Variants in PTPRC observed in about 807,000 individuals in gnomAD.
The protein encoded by PTPRC is receptor-type tyrosine-protein phosphatase C.
PTPRC carries 44 observed loss-of-function variants against 155.9 expected under a neutral mutation model. That is an observed-to-expected ratio of 0.28 (90% confidence interval 0.22 to 0.36). The LOEUF (loss-of-function observed/expected upper bound fraction) is 0.36, where lower values mean the gene tolerates loss of function less well. Ranked by LOEUF, PTPRC falls within the 10% of genes least tolerant of loss-of-function variation. The probability of loss-of-function intolerance (pLI) is 1.00; values close to 1 mark genes in which losing one functional copy is unlikely to be tolerated. For missense variants in PTPRC, 1,401 were observed against 1,564.6 expected (o/e 0.90, Z 1.76); for synonymous variants, 525 against 533.1 (o/e 0.98, Z 0.21).
intron 2 of PTPRC, among the ~76,000 whole-genome samples, chr1:198,649,217 TCTTAGA>T (rs1337769713): frequency 1.5e-4 from 23 of 151,886 alleles, no homozygotes; most frequent in African/African-American, 5.6e-4. Flanking sequence ...TACTTTGACT[TCTTAGA>T]CTTAGATTTC....
chr1:198,658,419 A>T (rs182308512), intron 2 of PTPRC, among the ~76,000 whole-genome samples: 1 of 152,346 alleles, frequency 6.6e-6, no homozygotes, highest in Admixed American at 6.5e-5. Context: ...GGAATAAAAT[A>T]AAGTGATGTG....
chr1:198,743,245 T>C (rs190999106), intron 25 of PTPRC, among the ~76,000 whole-genome samples: 1 of 151,790 alleles, frequency 6.6e-6, no homozygotes, highest in Non-Finnish European at 1.5e-5. Flanking sequence ...TTTGGAGAGA[T>C]GCTCAGATGA....
chr1:198,722,364 AT>A, intron 14 of PTPRC, 51 bp from the exon 15 acceptor site: 1 of 878,468 alleles, frequency 1.1e-6, no homozygotes, highest in Non-Finnish European at 1.6e-6. Flanking sequence ...ATATATATAT[AT>A]AAATTCACAT....
At chr1:198,746,464 G>A (rs1571890899) in intron 26 of PTPRC, among the ~76,000 whole-genome samples, 1 of 151,010 alleles carries the variant, frequency 6.6e-6, no homozygotes, top group Non-Finnish European at 1.5e-5. Context: ...TTTAATTGGT[G>A]GAAAGAAAAA....
chr1:198,655,171 T>G (rs955681163), intron 2 of PTPRC, among the ~76,000 whole-genome samples: 3 of 151,878 alleles, frequency 2.0e-5, no homozygotes, highest in African/African-American at 4.8e-5. Context: ...AAGTTGCCGG[T>G]TTTTTTTAAT....
At chr1:198,709,133 G>T (rs1189304776) in intron 10 of PTPRC, among the ~76,000 whole-genome samples, 1 of 152,160 alleles carries the variant, frequency 6.6e-6, no homozygotes, top group South Asian at 2.1e-4. Context: ...AGTTGTATTT[G>T]CTATATACAG....
intron 14 of PTPRC, 33 bp downstream of exon 14, chr1:198,718,335 C>A: frequency 6.7e-7 from 1 of 1,485,544 alleles, no homozygotes; most frequent in East Asian, 2.3e-5. Context: ...ACTATAGTAC[C>A]AACTACATTA....
intron 2 of PTPRC, among the ~76,000 whole-genome samples, chr1:198,662,288 A>G (rs767239374): frequency 6.6e-6 from 1 of 152,204 alleles, no homozygotes; most frequent in Non-Finnish European, 1.5e-5. Context: ...TTTATAATGT[A>G]TATGTATTTC....
At chr1:198,755,805 A>ACTT (rs1157016105) in intron 32 of PTPRC, 101 bp from the exon 33 acceptor site, 14 of 1,275,346 alleles carry the variant, frequency 1.1e-5, no homozygotes, top group Middle Eastern at 5.1e-4. Flanking sequence ...GTCATCCAAT[A>ACTT]CTTCCACAAA....
Position 198,756,388 on chromosome 1 carries a change from T to G in PTPRC, c.*207T>G. On this transcript the variant is annotated 3_prime_UTR_variant, in exon 33 of 33. Transcript: ENST00000442510. ...TACAGACGTATGCTTATTTTAAAAT[T>G]TTATCTCTTATTCAGTAAAAAACAA... 1 of 661,342 alleles carries G rather than the reference T, an allele frequency of 1.5e-6. No individual in the cohort carries two copies. The highest frequency in any genetic ancestry group is 2.9e-5 in the East Asian group (1 of 34,604). 41.0% of individuals were successfully genotyped at this position (661,342 alleles called of 1,614,324 possible).
At chr1:198,672,628 C>A (rs1441165105) in intron 2 of PTPRC, among the ~76,000 whole-genome samples, 2 of 148,362 alleles carry the variant, frequency 1.3e-5, no homozygotes, top group East Asian at 2.0e-4. Flanking sequence ...CGCCACCATG[C>A]CCAGCTATTT....
At chr1:198,670,789 C>T (rs904103179) in intron 2 of PTPRC, among the ~76,000 whole-genome samples, 1 of 151,986 alleles carries the variant, frequency 6.6e-6, no homozygotes, top group African/African-American at 2.4e-5. Flanking sequence ...ATATAGCTGG[C>T]CATCTGTATT....
At chr1:198,712,185 G>A (rs781292813) in intron 11 of PTPRC, among the ~76,000 whole-genome samples, 3 of 152,182 alleles carry the variant, frequency 2.0e-5, no homozygotes, top group Non-Finnish European at 4.4e-5. Context: ...ATGCAACTAA[G>A]TGAATGAATC....
At chr1:198,664,087 G>A (rs1019615475) in intron 2 of PTPRC, among the ~76,000 whole-genome samples, 6 of 151,900 alleles carry the variant, frequency 3.9e-5, no homozygotes, top group South Asian at 2.1e-4. Flanking sequence ...TATTATTTAA[G>A]ACAATGTTTG....
intron 2 of PTPRC, among the ~76,000 whole-genome samples, chr1:198,644,343 A>G (rs576141033): frequency 6.6e-6 from 1 of 151,928 alleles, no homozygotes; most frequent in South Asian, 2.1e-4. Flanking sequence ...GATATGATAC[A>G]CCAGAAAAAA....
intron 23 of PTPRC, among the ~76,000 whole-genome samples, chr1:198,736,907 A>G (rs532974036): frequency 6.6e-6 from 1 of 151,610 alleles, no homozygotes; most frequent in African/African-American, 2.4e-5. Context: ...TGATAACTTA[A>G]TGTAGTTTTG....
intron 6 of PTPRC, 28 bp from the exon 7 acceptor site, chr1:198,703,270 T>C: frequency 1.2e-6 from 2 of 1,611,906 alleles, no homozygotes; most frequent in Non-Finnish European, 8.5e-7. Flanking sequence ...ATTAATTAGC[T>C]TTTATTCTTC....
At position 198,696,761 on chromosome 1, in the gene PTPRC, AC is replaced by A; in HGVS notation, c.152del (p.Pro51LeufsTer116). On this transcript the variant is annotated frameshift_variant, in exon 4 of 33. Coordinates refer to ENST00000442510, the MANE Select transcript of PTPRC (RefSeq NM_002838.5). LOFTEE classifies it high-confidence loss of function. ...GTGTTCCACTTTCAAGTGACCCCTTACCTACTCACACCACTGCATTCTCACC... is the reference window on the plus strand; with the variant it reads ...GTGTTCCACTTTCAAGTGACCCCTTACTACTCACACCACTGCATTCTCACC... ...PSVPLSSDPL[P>X]THTTAFSPAS... is the part of the protein sequence containing the mutation. 6.2e-7 allele frequency: 1 copy of A among 1,614,080 alleles called. No individual in the cohort carries two copies. Among genetic ancestry groups the A allele is most frequent in the Non-Finnish European group, 8.5e-7 (1 of 1,179,980 alleles).
rs547536548 is a variant in PTPRC, at chr1:198,726,327, G to A, written c.1721-2013G>A. Among the ~76,000 whole-genome samples, 4 of 152,226 alleles carry A rather than the reference G, an allele frequency of 2.6e-5. No homozygotes were observed. The South Asian group carries it at 8.3e-4, about 32-fold the overall frequency. ...GAATTTCAGATAGAGATAAGACAAG[G>A]AACACTTTGGGTCATTTTAGGAGCC... On this transcript the variant is annotated intron_variant, in intron 15 of 32. Coordinates refer to ENST00000442510, the MANE Select transcript of PTPRC (RefSeq NM_002838.5).
Sources: allele counts gnomAD v4.1 joint callset (sites outside exome capture counted in the v4.1 genomes callset), GRCh38; gene constraint gnomAD v4.1.1; transcripts MANE v1.5; gene names NCBI Gene and HGNC (gene_info 2026-07-23, HGNC 2026-07-21).